The following OPCML variants were observed in gnomAD, a reference collection of about 807,000 sequenced individuals.
OPCML encodes opioid binding protein/cell adhesion molecule like.
OPCML carries 13 observed loss-of-function variants against 37.8 expected under a neutral mutation model. That is an observed-to-expected ratio of 0.34 (90% CI 0.22 to 0.55). The LOEUF is 0.55. Among genes scored for constraint, OPCML ranks in the 20% least tolerant of loss-of-function variants. The probability of loss-of-function intolerance (pLI) is 0.91; values close to 1 mark genes in which losing one functional copy is unlikely to be tolerated. For synonymous variants in OPCML, 176 were observed against 168.8 expected, an observed-to-expected ratio of 1.04 and a Z score of -0.33; for missense variants, 341 against 435.6, an observed-to-expected ratio of 0.78 and a Z score of 1.93.
At chr11:132,606,574 C>T (rs1938310106) in intron 3 of OPCML, among the ~76,000 whole-genome samples, 1 of 152,112 alleles carries the variant, frequency 6.6e-6, no homozygotes, top group Admixed American at 6.5e-5. Context: ...CTCCCACCTC[C>T]ACTTTCTGTC....
intron 1 of OPCML, among the ~76,000 whole-genome samples, chr11:133,133,228 G>A (rs1949632616): frequency 6.6e-6 from 1 of 152,078 alleles, no homozygotes; most frequent in African/African-American, 2.4e-5. Flanking sequence ...GTGGCCTCAG[G>A]CCCCTGGGTG....
intron 2 of OPCML, among the ~76,000 whole-genome samples, chr11:132,804,084 G>A (rs1411247173): frequency 3.9e-5 from 6 of 152,168 alleles, no homozygotes; most frequent in South Asian, 2.1e-4. Flanking sequence ...AATTGTCTTC[G>A]GTCAGTAAAG....
At chr11:132,605,837 C>G (rs1055484881) in intron 3 of OPCML, among the ~76,000 whole-genome samples, 1 of 152,130 alleles carries the variant, frequency 6.6e-6, no homozygotes. Context: ...AGGAAGAACT[C>G]AATATACATT....
At chr11:133,383,886 G>T (rs1224847933) in intron 1 of OPCML, among the ~76,000 whole-genome samples, 2 of 152,078 alleles carry the variant, frequency 1.3e-5, no homozygotes, top group Non-Finnish European at 2.9e-5. Flanking sequence ...CATGCCCAGG[G>T]CCAATATGCT....
At chr11:133,167,385 T>C (rs1950222871) in intron 1 of OPCML, among the ~76,000 whole-genome samples, 1 of 152,226 alleles carries the variant, frequency 6.6e-6, no homozygotes, top group Admixed American at 6.5e-5. Context: ...AACACAATCC[T>C]ATTTTCTTGC....
At chr11:133,402,529 T>C (rs919955923) in intron 1 of OPCML, among the ~76,000 whole-genome samples, 3 of 152,214 alleles carry the variant, frequency 2.0e-5, no homozygotes, top group Non-Finnish European at 4.4e-5. Context: ...CAGTCTCTCA[T>C]AATCACACAG....
chr11:132,684,227 G>T (rs1943073224), intron 2 of OPCML, among the ~76,000 whole-genome samples: 1 of 152,068 alleles, frequency 6.6e-6, no homozygotes, highest in African/African-American at 2.4e-5. Context: ...TATACTAGTG[G>T]CTATTATAAA....
chr11:133,131,196 T>G (rs539643475), intron 1 of OPCML, among the ~76,000 whole-genome samples: 244 of 152,284 alleles, frequency 1.6e-3, no homozygotes, highest in African/African-American at 5.7e-3. Flanking sequence ...GATCTTGGAC[T>G]TCCCATACTC....
At chr11:133,380,258 C>T (rs999545895) in intron 1 of OPCML, among the ~76,000 whole-genome samples, 2 of 151,816 alleles carry the variant, frequency 1.3e-5, no homozygotes, top group Non-Finnish European at 2.9e-5. Flanking sequence ...TTATTTAGAC[C>T]CAAAAGAATA....
chr11:133,029,092 C>T (rs149652869), intron 1 of OPCML, among the ~76,000 whole-genome samples: 5 of 152,190 alleles, frequency 3.3e-5, no homozygotes, highest in Admixed American at 6.5e-5. Flanking sequence ...GATATACATG[C>T]ACCAACAAGC....
chr11:132,849,952 A>G (rs867000045), intron 2 of OPCML, among the ~76,000 whole-genome samples: 4 of 152,202 alleles, frequency 2.6e-5, no homozygotes, highest in Admixed American at 6.5e-5. Context: ...CGAGCAGATG[A>G]CGCACCAGCT....
intron 7 of OPCML, among the ~76,000 whole-genome samples, chr11:132,426,683 C>T (rs1259052337): frequency 3.3e-5 from 5 of 152,156 alleles, no homozygotes; most frequent in African/African-American, 1.2e-4. Flanking sequence ...CCACTCGCCT[C>T]GGCCTCCCAA....
intron 1 of OPCML, among the ~76,000 whole-genome samples, chr11:133,367,347 C>G (rs933866015): frequency 6.6e-6 from 1 of 152,142 alleles, no homozygotes; most frequent in Admixed American, 6.5e-5. Context: ...CTGCTCCAAC[C>G]GCCATCTCCT....
At chr11:133,373,477 T>C (rs1482323158) in intron 1 of OPCML, among the ~76,000 whole-genome samples, 3 of 130,474 alleles carry the variant, frequency 2.3e-5, no homozygotes, top group Non-Finnish European at 4.9e-5. Context: ...ATACAAAATT[T>C]AGCCAGGCGT....
chr11:133,155,836 A>C (rs1359074843), intron 1 of OPCML, among the ~76,000 whole-genome samples: 1 of 152,090 alleles, frequency 6.6e-6, no homozygotes, highest in African/African-American at 2.4e-5. Flanking sequence ...ACTTTCCAGA[A>C]TCAGAATCCT....
chr11:133,348,239 C>T (rs1442329995), intron 1 of OPCML, among the ~76,000 whole-genome samples: 1 of 152,122 alleles, frequency 6.6e-6, no homozygotes, highest in African/African-American at 2.4e-5. Flanking sequence ...CAAACGAGAG[C>T]CATTGATTCA....
chr11:132,554,962 T>A (rs1378069408), intron 3 of OPCML, among the ~76,000 whole-genome samples: 1 of 148,968 alleles, frequency 6.7e-6, no homozygotes, highest in Non-Finnish European at 1.5e-5. Flanking sequence ...TTGGGGCATT[T>A]TCTCTGATGA....
intron 1 of OPCML, among the ~76,000 whole-genome samples, chr11:133,340,511 G>A (rs1015577955): frequency 7.3e-6 from 1 of 137,386 alleles, no homozygotes; most frequent in African/African-American, 3.3e-5. Flanking sequence ...TTAACACCGT[G>A]TGTGTGTATA....
At position 133,278,025 on chromosome 11, in the gene OPCML, T is replaced by C. The variant is rs1942041008; in HGVS notation, c.61+254239A>G. On this transcript the variant is annotated intron_variant, in intron 1 of 7. Coordinates refer to ENST00000524381, the MANE Select transcript of OPCML (RefSeq NM_001012393.5). ...TCAGCAGCCCTTTTAAATTCTGTGG[T>C]CTGTAAGTGAGATTCTATCAGCACT... Among the ~76,000 whole-genome samples the C allele has an allele frequency of 2.0e-5, 3 of 152,150 alleles. No individual in the cohort carries two copies. The South Asian group carries it at 6.2e-4, about 32-fold the overall frequency.
Sources: allele counts gnomAD v4.1 joint callset (sites outside exome capture counted in the v4.1 genomes callset), GRCh38; gene constraint gnomAD v4.1.1; transcripts MANE v1.5; gene names NCBI Gene and HGNC (gene_info 2026-07-23, HGNC 2026-07-21).